Variants in PACRG observed in about 807,000 individuals in gnomAD.
The protein encoded by PACRG is parkin coregulated.
Under a neutral mutation model 29.7 loss-of-function variants are expected in PACRG, and 29 were observed. The ratio of observed to expected loss-of-function variants is 0.98; its 90% CI spans 0.73 to 1.33. PACRG has a LOEUF of 1.33. Among genes scored for constraint, PACRG ranks in the 40% most tolerant of loss-of-function variants. The probability of loss-of-function intolerance (pLI) is 0.00; values close to 1 mark genes in which losing one functional copy is unlikely to be tolerated. For missense variants in PACRG, 279 were observed against 316.2 expected (o/e 0.88, Z 0.89); for synonymous variants, 116 against 118.7 (o/e 0.98, Z 0.15).
intron 2 of PACRG, among the ~76,000 whole-genome samples, chr6:162,942,786 A>G (rs1161937297): frequency 3.3e-5 from 5 of 152,176 alleles, no homozygotes; most frequent in Admixed American, 1.3e-4. Context: ...CAGAAATCGT[A>G]TATGGAGGGG....
intron 1 of PACRG, among the ~76,000 whole-genome samples, chr6:162,780,360 C>T (rs1784004548): frequency 6.6e-6 from 1 of 152,040 alleles, no homozygotes; most frequent in Non-Finnish European, 1.5e-5. Flanking sequence ...TCACATTAAT[C>T]CCAAATATTC....
At chr6:162,747,339 TATATATATATATATATATATATATAC>T (rs1240231443) in intron 1 of PACRG, among the ~76,000 whole-genome samples, 3 of 68,530 alleles carry the variant, frequency 4.4e-5, no homozygotes, top group African/African-American at 9.3e-5. Flanking sequence ...TATATATATA[TATATATATATATATATATATATATAC>T]ACATACATAT....
rs562549651 is a variant in PACRG, at chr6:162,884,870, A to AG, written c.291+70593dup. On this transcript the variant is annotated intron_variant, in intron 2 of 4. Transcript: ENST00000366888. ...TCCAGCAAGGTCAAACAAAGATTTCAGGGGCCCAAGCTCATCTATTAGCAT... is the reference window on the plus strand; with the variant it reads ...TCCAGCAAGGTCAAACAAAGATTTCAGGGGGCCCAAGCTCATCTATTAGCAT... 1.7e-3 allele frequency among the ~76,000 whole-genome samples: 262 copies of AG among 152,334 alleles called. 1 individual carries two copies. Among genetic ancestry groups the AG allele is most frequent in the Non-Finnish European group, 2.8e-3 (192 of 68,034 alleles).
intron 4 of PACRG, among the ~76,000 whole-genome samples, chr6:163,261,221 G>A (rs1175279653): frequency 6.6e-6 from 1 of 151,990 alleles, no homozygotes; most frequent in African/African-American, 2.4e-5. Flanking sequence ...CATCATGCCA[G>A]GCAGGCACTG....
intron 4 of PACRG, among the ~76,000 whole-genome samples, chr6:163,260,972 G>GAAATGGATC (rs1554236440): frequency 5.9e-5 from 9 of 151,616 alleles, no homozygotes; most frequent in Admixed American, 5.9e-4. Context: ...TCTAAATAAT[G>GAAATGGATC]CATTGTCATC....
intron 4 of PACRG, among the ~76,000 whole-genome samples, chr6:163,146,854 A>G (rs1037828041): frequency 6.6e-6 from 1 of 152,244 alleles, no homozygotes; most frequent in African/African-American, 2.4e-5. Flanking sequence ...TTTTGGAGAT[A>G]ATATCCTATT....
At chr6:162,795,654 G>C (rs1483970486) in intron 1 of PACRG, among the ~76,000 whole-genome samples, 1 of 152,040 alleles carries the variant, frequency 6.6e-6, no homozygotes, top group Non-Finnish European at 1.5e-5. Flanking sequence ...TATTGCGATA[G>C]TATTATGTTT....
intron 4 of PACRG, chr6:163,184,687 T>G (rs1484557975): frequency 6.6e-6 from 1 of 152,138 alleles, no homozygotes; most frequent in Non-Finnish European, 1.5e-5. Flanking sequence ...CTCAGAGCCT[T>G]GGGTTGCTTG....
At chr6:163,002,062 A>C (rs1328542091) in intron 2 of PACRG, among the ~76,000 whole-genome samples, 1 of 152,198 alleles carries the variant, frequency 6.6e-6, no homozygotes, top group East Asian at 1.9e-4. Flanking sequence ...AACATTTTTT[A>C]CTCAGTCTGC....
intron 2 of PACRG, among the ~76,000 whole-genome samples, chr6:163,022,529 G>C (rs73783971): frequency 0.17 from 25,194 of 152,176 alleles, 2,335 homozygotes; most frequent in East Asian, 0.26. Context: ...GAGTTCTGAC[G>C]AGGAGCAGCT....
At chr6:162,899,484 G>A (rs1406895691) in intron 2 of PACRG, among the ~76,000 whole-genome samples, 1 of 152,132 alleles carries the variant, frequency 6.6e-6, no homozygotes, top group African/African-American at 2.4e-5. Context: ...GACCTTCTGA[G>A]TGAGTTTGTG....
intron 2 of PACRG, among the ~76,000 whole-genome samples, chr6:162,995,411 C>T (rs1173706613): frequency 1.3e-5 from 2 of 152,104 alleles, no homozygotes; most frequent in Non-Finnish European, 2.9e-5. Flanking sequence ...GGCGTAGGAC[C>T]CTCAGAGCCA....
intron 2 of PACRG, among the ~76,000 whole-genome samples, chr6:162,873,237 T>C (rs1036715505): frequency 6.6e-6 from 1 of 151,984 alleles, no homozygotes; most frequent in African/African-American, 2.4e-5. Flanking sequence ...TTTAGGTAAC[T>C]GGGGTACGTT....
At chr6:163,274,918 A>T (rs1325170594) in intron 4 of PACRG, among the ~76,000 whole-genome samples, 2 of 134,390 alleles carry the variant, frequency 1.5e-5, no homozygotes, top group Non-Finnish European at 3.0e-5. Context: ...GGAATGATGC[A>T]GTAGCATGAT....
In PACRG at chr6:163,269,986, AGAAAGAAAGAAAGAAAGAAAGGAG is replaced by A. The variant is rs1783757411; in HGVS notation, c.614-44839_614-44816del. On this transcript the variant is annotated intron_variant, in intron 4 of 4. Coordinates refer to ENST00000366888, the MANE Select transcript of PACRG (RefSeq NM_001080379.2). ...AAGAAAGAAAGAAAGAAAGAAAGAA[AGAAAGAAAGAAAGAAAGAAAGGAG>A]GGAGGGAGGGAGGGAGGAAGGAAGG... Among the ~76,000 whole-genome samples the A allele has an allele frequency of 1.0e-4, 12 of 115,078 alleles. 1 individual carries two copies. The highest frequency in any genetic ancestry group is 3.0e-4 in the South Asian group (1 of 3,302). The allele number at this position is 115,078 out of a possible 152,430, so 75.5% of individuals were successfully genotyped here. A position where few individuals can be genotyped will look rare whatever the true frequency, so the allele number is the denominator to read the frequency against.
intron 2 of PACRG, among the ~76,000 whole-genome samples, chr6:163,009,524 T>A (rs1175955290): frequency 6.6e-6 from 1 of 152,226 alleles, no homozygotes; most frequent in East Asian, 1.9e-4. Context: ...CAGAAATCAC[T>A]TAGATCTTCC....
At chr6:162,787,599 T>TATAC (rs1216165298) in intron 1 of PACRG, among the ~76,000 whole-genome samples, 3 of 138,008 alleles carry the variant, frequency 2.2e-5, no homozygotes, top group Middle Eastern at 3.6e-3. Context: ...TATATATATA[T>TATAC]ATATATATAT....
At chr6:162,969,106 T>C (rs572118508) in intron 2 of PACRG, among the ~76,000 whole-genome samples, 16 of 151,124 alleles carry the variant, frequency 1.1e-4, no homozygotes, top group African/African-American at 3.9e-4. Flanking sequence ...ACTTTTTCCC[T>C]AATTTTAAGT....
rs1781377801 is a variant in PACRG, at chr6:162,749,745, C to T, written c.156+21354C>T. ...ATGTTGGCCAGGCTGGTCTCGAACT[C>T]CTGACCTCAGATGATCTGCCCGCCT... is the stretch of plus-strand genomic sequence containing the variant. On this transcript the variant is annotated intron_variant, in intron 1 of 4. Coordinates refer to ENST00000366888, the MANE Select transcript of PACRG (RefSeq NM_001080379.2). Among the ~76,000 whole-genome samples the T allele has an allele frequency of 2.0e-5, 3 of 152,146 alleles. No individual in the cohort carries two copies. In the South Asian group the frequency reaches 6.2e-4, roughly 31 times the overall value.
Sources: gnomAD v4.1 joint callset for allele counts (sites outside exome capture counted in the v4.1 genomes callset) on GRCh38, gnomAD v4.1.1 for gene constraint, MANE v1.5 for transcripts, NCBI Gene and HGNC (gene_info 2026-07-23, HGNC 2026-07-21) for gene names.